DNAH7: variants seen among roughly 807,000 people sequenced by gnomAD.
The protein encoded by DNAH7 is axonemal beta dynein heavy chain 7.
DNAH7 carries 397 observed loss-of-function variants against 444.6 expected under a neutral mutation model. The observed-to-expected ratio is 0.89, with a 90% CI of 0.82 to 0.97. The LOEUF is 0.97. DNAH7 is among the 50% of genes least tolerant of loss of function. DNAH7 has a pLI of 0.00. For missense variants in DNAH7, 4,902 were observed against 4,800.8 expected, an observed-to-expected ratio of 1.02 and a Z score of -0.62; for synonymous variants, 1,636 against 1,624.4, an observed-to-expected ratio of 1.01 and a Z score of -0.17.
intron 51 of DNAH7, among the ~76,000 whole-genome samples, chr2:195,811,746 C>T (rs1368202989): frequency 6.6e-6 from 1 of 152,012 alleles, no homozygotes; most frequent in Non-Finnish European, 1.5e-5. Context: ...TACTTAATAA[C>T]ATGAGAGAAT....
chr2:195,794,536 C>T lies in DNAH7; in HGVS notation c.10518G>A (p.Glu3506=). ...CTGGATGTGTTGACTCTGGGCTTAA[C>T]TCCTGTAAGAAAATAAATCAGATAC... The part of the protein sequence containing the change: ...WMPTLEKVCE[E]LSPESTHPDF... The change falls in exon 57 of 65, where the codon GAG becomes GAA. Residue 3506 remains glutamate, a splice_region_variant and synonymous_variant. Coordinates refer to ENST00000312428, the MANE Select transcript of DNAH7 (RefSeq NM_018897.3). The T allele has an allele frequency of 6.2e-7, 1 of 1,613,956 alleles. No individual in the cohort carries two copies. The highest frequency in any genetic ancestry group is 8.5e-7 in the Non-Finnish European group (1 of 1,179,858).
chr2:195,832,130 A>G (rs1698105282), intron 48 of DNAH7, among the ~76,000 whole-genome samples: 1 of 152,098 alleles, frequency 6.6e-6, no homozygotes, highest in Non-Finnish European at 1.5e-5. Context: ...ATTCCTTCCT[A>G]TTGCATCTTA....
intron 27 of DNAH7, chr2:195,902,836 A>G (rs1375330299): frequency 1.3e-5 from 2 of 152,210 alleles, no homozygotes; most frequent in Admixed American, 1.3e-4. Context: ...TTTTAAGCCT[A>G]AACCAGTGAT....
intron 57 of DNAH7, among the ~76,000 whole-genome samples, chr2:195,788,561 GA>G (rs1051923350): frequency 6.6e-6 from 1 of 152,126 alleles, no homozygotes; most frequent in African/African-American, 2.4e-5. Flanking sequence ...GAATAACTTT[GA>G]AAGGTAGAGT....
At chr2:196,024,557 A>G (rs1267967935) in intron 7 of DNAH7, 53 bp from the exon 8 acceptor site, 37 of 1,045,170 alleles carry the variant, frequency 3.5e-5, no homozygotes, top group Non-Finnish European at 4.9e-5. Flanking sequence ...ACTGTAGTAC[A>G]TTTCCAAGCA....
Position 195,790,020 on chromosome 2 carries a change from T to C in DNAH7, c.10717-2849A>G, listed in dbSNP as rs75419225. On this transcript the variant is annotated intron_variant, in intron 57 of 64. Coordinates refer to ENST00000312428, the MANE Select transcript of DNAH7 (RefSeq NM_018897.3). The stretch of plus-strand genomic sequence containing the variant: ...TGTACAAAAATGAGCAGCATTTCCA[T>C]ACACCAATAATGTTCAAGCTGAAAG... Among the ~76,000 whole-genome samples the C allele has an allele frequency of 2.3e-3, 346 of 152,288 alleles. 3 individuals carry two copies. The highest frequency in any genetic ancestry group is 0.01 in the Middle Eastern group (3 of 294).
At chr2:196,034,537 T>C (rs1696263214) in intron 5 of DNAH7, among the ~76,000 whole-genome samples, 1 of 152,220 alleles carries the variant, frequency 6.6e-6, no homozygotes, top group South Asian at 2.1e-4. Flanking sequence ...AGCTGATCTC[T>C]AAATATATGT....
chr2:195,910,026 C>A lies in DNAH7; in HGVS notation c.4104+1G>T, dbSNP rs759237382. The A allele has an allele frequency of 6.2e-7, 1 of 1,610,626 alleles. No homozygotes were observed. Among genetic ancestry groups the A allele is most frequent in the South Asian group, 1.1e-5 (1 of 90,464 alleles). ...TAAAGAAATGAGGAGTTAATTCAAA[C>A]CTTAAAGAATTTTCCCAAAGCCAAA... is the stretch of plus-strand genomic sequence containing the variant. On this transcript the variant is annotated splice_donor_variant, in intron 25 of 64. Coordinates refer to ENST00000312428, the MANE Select transcript of DNAH7 (RefSeq NM_018897.3). LOFTEE classifies it high-confidence loss of function.
At chr2:196,034,423 C>G (rs1696256307) in intron 5 of DNAH7, among the ~76,000 whole-genome samples, 1 of 152,140 alleles carries the variant, frequency 6.6e-6, no homozygotes, top group Non-Finnish European at 1.5e-5. Flanking sequence ...ATGGACTAGG[C>G]AACTCAATAT....
At chr2:195,949,394 C>A (rs1225968979) in intron 19 of DNAH7, among the ~76,000 whole-genome samples, 3 of 152,160 alleles carry the variant, frequency 2.0e-5, no homozygotes, top group South Asian at 2.1e-4. Context: ...AGCAATTCTC[C>A]TGTCTTCGCT....
chr2:195,880,640 C>T (rs1049255329), intron 36 of DNAH7, among the ~76,000 whole-genome samples: 6 of 151,996 alleles, frequency 3.9e-5, no homozygotes, highest in African/African-American at 1.4e-4. Context: ...GCCCGGCCTG[C>T]AAACTTATTT....
chr2:195,828,539 C>T (rs538636875), intron 48 of DNAH7, among the ~76,000 whole-genome samples: 1 of 151,062 alleles, frequency 6.6e-6, no homozygotes, highest in African/African-American at 2.4e-5. Flanking sequence ...GAGCCGAGAT[C>T]TTGACACTGT....
At chr2:195,785,294 C>T (rs1695564909) in intron 58 of DNAH7, among the ~76,000 whole-genome samples, 1 of 152,070 alleles carries the variant, frequency 6.6e-6, no homozygotes, top group Admixed American at 6.6e-5. Context: ...AGTCCTTTTT[C>T]GGATACGTCT....
intron 45 of DNAH7, 44 bp downstream of exon 45, chr2:195,855,767 C>A (rs149117365): frequency 6.3e-7 from 1 of 1,590,992 alleles, no homozygotes; most frequent in East Asian, 2.2e-5. Context: ...TTCTTAGTTA[C>A]GATAACTGAG....
In DNAH7 at chr2:195,972,369, T is replaced by C. The variant is rs199655398; in HGVS notation, c.1931A>G (p.Asn644Ser). 1.8e-4 allele frequency: 283 copies of C among 1,614,140 alleles called. 1 individual carries two copies. The East Asian group carries it at 5.9e-3, about 34-fold the overall frequency. The change falls in exon 16 of 65, where the codon AAC becomes AGC. Residue 644 changes from asparagine (N) to serine (S), a missense_variant. Transcript: ENST00000312428. Reference sequence around the variant, plus strand: ...TAGCCTCATGTCTGCTGGAGAAAAGTTGACATACTCGATGAGGAAGGCGAG... The same window carrying C: ...TAGCCTCATGTCTGCTGGAGAAAAGCTGACATACTCGATGAGGAAGGCGAG... Reference protein sequence around the residue: ...NCLAFLIEYVNFSPADMRLNN... With the variant: ...NCLAFLIEYVSFSPADMRLNN...
intron 27 of DNAH7, chr2:195,905,251 T>C (rs1686941109): frequency 1.3e-5 from 2 of 152,116 alleles, no homozygotes; most frequent in African/African-American, 2.4e-5. Context: ...AATAAATGAA[T>C]AACATAGCGA....
chr2:195,952,178 C>T (rs973812656), intron 19 of DNAH7, among the ~76,000 whole-genome samples: 3 of 152,100 alleles, frequency 2.0e-5, no homozygotes, highest in Non-Finnish European at 2.9e-5. Flanking sequence ...TTTATTTATC[C>T]TTCACTTATG....
At chr2:195,898,804 T>C (rs1686511645) in intron 28 of DNAH7, among the ~76,000 whole-genome samples, 1 of 152,228 alleles carries the variant, frequency 6.6e-6, no homozygotes, top group Non-Finnish European at 1.5e-5. Flanking sequence ...AAAATATTTG[T>C]GGTGTACCCA....
chr2:196,058,226 T>C, intron 1 of DNAH7, 110 bp from the exon 2 acceptor site: 1 of 685,674 alleles, frequency 1.5e-6, no homozygotes, highest in Non-Finnish European at 2.3e-6. Flanking sequence ...TCCAAAATAT[T>C]CTAAAACATA....
Sources: gnomAD v4.1 joint callset for allele counts (sites outside exome capture counted in the v4.1 genomes callset) on GRCh38, gnomAD v4.1.1 for gene constraint, MANE v1.5 for transcripts, NCBI Gene and HGNC (gene_info 2026-07-23, HGNC 2026-07-21) for gene names.